Variants in UNC5B observed in about 807,000 individuals in gnomAD.
The protein encoded by UNC5B is netrin receptor UNC5B.
Under a neutral mutation model 103.7 loss-of-function variants are expected in UNC5B, and 56 were observed. That is an observed-to-expected ratio of 0.54 (90% CI 0.44 to 0.67). The LOEUF is 0.67. UNC5B is among the 30% of genes least tolerant of loss of function. UNC5B has a pLI of 0.00. For missense variants in UNC5B, 1,194 were observed against 1,284.5 expected, an observed-to-expected ratio of 0.93 and a Z score of 1.08; for synonymous variants, 577 against 542.0, an observed-to-expected ratio of 1.06 and a Z score of -0.90.
chr10:71,261,165 T>C (rs1275951017), intron 1 of UNC5B, among the ~76,000 whole-genome samples: 2 of 152,180 alleles, frequency 1.3e-5, no homozygotes, highest in African/African-American at 4.8e-5. Flanking sequence ...CTCAGTTCTT[T>C]AGGCAAGTCA....
intron 1 of UNC5B, among the ~76,000 whole-genome samples, chr10:71,222,318 T>TAC (rs1843469052): frequency 2.6e-5 from 4 of 151,768 alleles, no homozygotes; most frequent in Non-Finnish European, 5.9e-5. Context: ...AGAGGTCTCT[T>TAC]AGTGGAAAGA....
chr10:71,285,599 C>T lies in UNC5B; in HGVS notation c.552+170C>T, dbSNP rs564256977. ...GAAGAGAACTGTTACCTCTGTCGAA[C>T]GCAGCAATGCCAGATCCCAGCTGGG... On this transcript the variant is annotated intron_variant, in intron 4 of 16. Transcript: ENST00000335350. Among the ~76,000 whole-genome samples, 5 of 152,290 alleles carry T rather than the reference C, an allele frequency of 3.3e-5. No homozygotes were observed. In the East Asian group the frequency reaches 9.7e-4, roughly 29 times the overall value.
intron 2 of UNC5B, among the ~76,000 whole-genome samples, chr10:71,281,342 AT>A (rs11332290): frequency 0.23 from 34,168 of 146,202 alleles, 4,397 homozygotes; most frequent in African/African-American, 0.38. Flanking sequence ...GGAAAAAGGA[AT>A]TTTTTTTTTT....
chr10:71,213,267 C>CA lies in UNC5B; in HGVS notation c.79+204dup, dbSNP rs2132230333. 6.6e-6 allele frequency among the ~76,000 whole-genome samples: 1 copy of CA among 152,302 alleles called. No individual in the cohort carries two copies. Among genetic ancestry groups the CA allele is most frequent in the East Asian group, 1.9e-4 (1 of 5,170 alleles). ...GGAGCGGGGAGCAGGGAAGGGGCTTCACAGTAAGCTGAAAGGTCCCTGCTC... is the reference window on the plus strand; with the variant it reads ...GGAGCGGGGAGCAGGGAAGGGGCTTCAACAGTAAGCTGAAAGGTCCCTGCTC... On this transcript the variant is annotated intron_variant, in intron 1 of 16. Coordinates refer to ENST00000335350, the MANE Select transcript of UNC5B (RefSeq NM_170744.5). This position sits in a 1 kb window ranked among gnomAD's most constrained non-coding sequence, Gnocchi z 4.1.
rs1843269639 is a variant in UNC5B at position 71,213,507 on chromosome 10, A to G, written c.79+443A>G. Among the ~76,000 whole-genome samples the G allele has an allele frequency of 1.3e-5, 2 of 152,110 alleles. No homozygotes were observed. The highest frequency in any genetic ancestry group is 3.9e-4 in the East Asian group (2 of 5,154). On this transcript the variant is annotated intron_variant, in intron 1 of 16. Coordinates refer to ENST00000335350, the MANE Select transcript of UNC5B (RefSeq NM_170744.5). The surrounding 1 kb of genome is among the most constrained non-coding windows in gnomAD (Gnocchi z 4.1). Reference sequence around the variant, plus strand: ...CGGCTCGCCTAGGCTCTTACGCGCTATAGGGACAGCAATCTGCAGACTAGA... The same window carrying G: ...CGGCTCGCCTAGGCTCTTACGCGCTGTAGGGACAGCAATCTGCAGACTAGA...
At position 71,292,485 on chromosome 10, in the gene UNC5B, C is replaced by G; in HGVS notation, c.1703C>G (p.Pro568Arg). ...CCCCTAGGGGTCAGCTTGCTGGTGC[C>G]CAATGGAGCCATTCCCCAGGGCAAG... The part of the protein sequence containing the change: ...IPGTGVSLLV[P>R]NGAIPQGKFY... The change falls in exon 11 of 17, where the codon CCC (proline) becomes CGC (arginine). Residue 568 changes from proline (P) to arginine (R), a missense_variant. Physicochemically the swap from Pro to Arg is moderately radical, Grantham distance 103. Transcript: ENST00000335350. 1 of 1,600,864 alleles carries G rather than the reference C, an allele frequency of 6.2e-7. No individual in the cohort carries two copies. Among genetic ancestry groups the G allele is most frequent in the Non-Finnish European group, 8.5e-7 (1 of 1,173,644 alleles).
intron 1 of UNC5B, among the ~76,000 whole-genome samples, chr10:71,238,801 A>G (rs1392255780): frequency 6.6e-6 from 1 of 152,128 alleles, no homozygotes; most frequent in East Asian, 1.9e-4. Flanking sequence ...TATTTTAAAG[A>G]CAGGGTCTTG....
At chr10:71,273,529 A>C (rs150964322) in intron 1 of UNC5B, among the ~76,000 whole-genome samples, 1,534 of 152,290 alleles carry the variant, frequency 0.01, 12 homozygotes, top group Non-Finnish European at 0.016. Context: ...GTGTCTTTAC[A>C]TTTGTCCTGA....
intron 1 of UNC5B, among the ~76,000 whole-genome samples, chr10:71,271,133 G>T (rs1308659003): frequency 6.6e-6 from 1 of 152,184 alleles, no homozygotes. Context: ...TCAGGAAGCT[G>T]AGACCCCGTC....
intron 1 of UNC5B, among the ~76,000 whole-genome samples, chr10:71,220,150 T>TCTGA (rs1843424483): frequency 6.6e-6 from 1 of 152,154 alleles, no homozygotes; most frequent in Non-Finnish European, 1.5e-5. Context: ...CTCAGCTGCT[T>TCTGA]CTGACTCTGT....
In UNC5B at chr10:71,213,214, A is replaced by C. The variant is rs1173067153; in HGVS notation, c.79+150A>C. The C allele has an allele frequency of 1.0e-5, 6 of 573,592 alleles. No individual in the cohort carries two copies. The highest frequency in any genetic ancestry group is 1.6e-5 in the Non-Finnish European group (6 of 386,050). The allele number at this position is 573,592 out of a possible 1,614,324, so 35.5% of individuals were successfully genotyped here. A position where few individuals can be genotyped will look rare whatever the true frequency, so the allele number is the denominator to read the frequency against. ...AGAATGTAGATTTTACTGCCTCCCA[A>C]AGTGGGCAATGGCGCATCCACATCG... is the stretch of plus-strand genomic sequence containing the variant. On this transcript the variant is annotated intron_variant, in intron 1 of 16. Transcript: ENST00000335350. The surrounding 1 kb of genome is among the most constrained non-coding windows in gnomAD (Gnocchi z 4.1).
intron 1 of UNC5B, among the ~76,000 whole-genome samples, chr10:71,276,942 G>C (rs1213089894): frequency 6.6e-6 from 1 of 152,244 alleles, no homozygotes; most frequent in Non-Finnish European, 1.5e-5. Context: ...GCAACAGAGA[G>C]GCACAGAGGG....
At chr10:71,246,555 G>T (rs555361703) in intron 1 of UNC5B, among the ~76,000 whole-genome samples, 2 of 152,102 alleles carry the variant, frequency 1.3e-5, no homozygotes, top group Non-Finnish European at 2.9e-5. Flanking sequence ...TACAGGATTG[G>T]TGAGTGACTG....
chr10:71,267,553 G>A (rs1464833767), intron 1 of UNC5B, among the ~76,000 whole-genome samples: 1 of 152,180 alleles, frequency 6.6e-6, no homozygotes, highest in Non-Finnish European at 1.5e-5. Context: ...CTCGATGTCT[G>A]GATTCTTAAC....
chr10:71,296,580 G>A lies in UNC5B; in HGVS notation c.2328G>A (p.Glu776=), dbSNP rs1845419000. 6.2e-7 allele frequency: 1 copy of A among 1,613,562 alleles called. No homozygotes were observed. Among genetic ancestry groups the A allele is most frequent in the Admixed American group, 1.7e-5 (1 of 59,992 alleles). ...WRSKLLAKYQ[E]IPFYHIWSGS... ...GTCCTGACCCCCTCCTCCTGCAGGA[G>A]ATCCCCTTCTATCACATTTGGAGTG... The change falls in exon 15 of 17, where the codon GAG becomes GAA. Residue 776 remains glutamate (E), a splice_region_variant and synonymous_variant. Transcript: ENST00000335350.
intron 1 of UNC5B, among the ~76,000 whole-genome samples, chr10:71,255,166 T>G (rs994590146): frequency 2.0e-5 from 3 of 152,256 alleles, no homozygotes; most frequent in African/African-American, 7.2e-5. Context: ...GGGGATATAC[T>G]TTAATTTACT....
At chr10:71,272,684 C>A (rs1844674735) in intron 1 of UNC5B, among the ~76,000 whole-genome samples, 1 of 152,178 alleles carries the variant, frequency 6.6e-6, no homozygotes, top group African/African-American at 2.4e-5. Flanking sequence ...TTAGTCACTT[C>A]CCCTCTCTGA....
Position 71,286,839 on chromosome 10 carries a change from C to G in UNC5B, c.703C>G (p.Arg235Gly). 3 of 1,614,138 alleles carry G rather than the reference C, an allele frequency of 1.9e-6. No homozygotes were observed. Among genetic ancestry groups the G allele is most frequent in the Non-Finnish European group, 2.5e-6 (3 of 1,180,008 alleles). ...CVAKNIVAKR[R>G]STTATVIVYV... ...GGCCAAGAACATCGTGGCCAAACGCCGGAGCACCACTGCCACCGTCATCGT... is the reference window on the plus strand; with the variant it reads ...GGCCAAGAACATCGTGGCCAAACGCGGGAGCACCACTGCCACCGTCATCGT... Residue 235 changes from arginine to glycine, a missense_variant, in exon 5 of 17, where the codon CGG becomes GGG. Transcript: ENST00000335350.
At chr10:71,292,350 G>A in intron 10 of UNC5B, 117 bp from the exon 11 acceptor site, 5 of 845,994 alleles carry the variant, frequency 5.9e-6, no homozygotes, top group Non-Finnish European at 7.5e-6. Flanking sequence ...CCCCTGGCTG[G>A]GGACTACCTG....
Sources: gnomAD v4.1 joint callset for allele counts (sites outside exome capture counted in the v4.1 genomes callset) on GRCh38, gnomAD v4.1.1 for gene constraint, Gnocchi (gnomAD v3.1) non-coding constraint, MANE v1.5 for transcripts, NCBI Gene and HGNC (gene_info 2026-07-23, HGNC 2026-07-21) for gene names.